Variants in PTPRT observed in about 807,000 individuals in gnomAD.
PTPRT encodes receptor-type tyrosine-protein phosphatase T.
A neutral mutation model predicts 176.8 loss-of-function variants in PTPRT; 56 were observed. That is an observed-to-expected ratio of 0.32 (90% CI 0.26 to 0.40). PTPRT has a LOEUF of 0.40. Ranked by LOEUF, PTPRT falls within the 10% of genes least tolerant of loss-of-function variation. PTPRT has a pLI of 1.00. For missense variants in PTPRT, 1,540 were observed against 1,908.2 expected, an observed-to-expected ratio of 0.81 and a Z score of 3.60; for synonymous variants, 783 against 739.0, an observed-to-expected ratio of 1.06 and a Z score of -0.96.
intron 14 of PTPRT, among the ~76,000 whole-genome samples, chr20:42,248,441 G>T (rs1484857580): frequency 6.6e-6 from 1 of 152,116 alleles, no homozygotes; most frequent in Admixed American, 6.5e-5. Flanking sequence ...CATCGCGGTG[G>T]CCCAGTCATA....
chr20:42,767,006 C>T (rs749900136), intron 5 of PTPRT, among the ~76,000 whole-genome samples: 11 of 152,142 alleles, frequency 7.2e-5, no homozygotes, highest in Non-Finnish European at 1.3e-4. Context: ...AGAACAACAG[C>T]GAGAGTGCCA....
intron 9 of PTPRT, among the ~76,000 whole-genome samples, chr20:42,378,990 G>T (rs1254947176): frequency 1.3e-5 from 2 of 152,190 alleles, no homozygotes; most frequent in African/African-American, 4.8e-5. Flanking sequence ...AAGTCTCCAA[G>T]GCAACCATTC....
chr20:42,768,708 T>C (rs1600717010), intron 5 of PTPRT, among the ~76,000 whole-genome samples: 1 of 152,236 alleles, frequency 6.6e-6, no homozygotes, highest in East Asian at 1.9e-4. Context: ...CCACTTTTAA[T>C]TTATGATATC....
intron 9 of PTPRT, among the ~76,000 whole-genome samples, chr20:42,399,642 C>T (rs1178148262): frequency 1.3e-5 from 2 of 152,178 alleles, no homozygotes; most frequent in African/African-American, 4.8e-5. Flanking sequence ...GAAATCTTTG[C>T]ACTAAACACA....
Position 42,184,799 on chromosome 20 carries a change from T to C in PTPRT, c.2491+14441A>G, listed in dbSNP as rs1318760866. On this transcript the variant is annotated intron_variant, in intron 16 of 30. Transcript: ENST00000373187. ...TGCACCACCACACCCGGCTAATTTT[T>C]TTTTTTTTGTATTTTTACCAGAGAT... 3.6e-3 allele frequency among the ~76,000 whole-genome samples: 537 copies of C among 148,842 alleles called. 5 individuals are homozygous for C. Among genetic ancestry groups the C allele is most frequent in the African/African-American group, 0.012 (493 of 40,304 alleles).
At chr20:42,785,302 G>A (rs73907268) in intron 3 of PTPRT, among the ~76,000 whole-genome samples, 148 of 152,298 alleles carry the variant, frequency 9.7e-4, no homozygotes, top group Middle Eastern at 3.4e-3. Context: ...GTTTATTACA[G>A]AGCTAAAAGT....
chr20:42,094,440 T>G (rs1984979996), intron 27 of PTPRT, among the ~76,000 whole-genome samples: 1 of 152,188 alleles, frequency 6.6e-6, no homozygotes, highest in Non-Finnish European at 1.5e-5. Context: ...CTTTCTTTTT[T>G]TGACAGGGTC....
rs184068584 is a variant in PTPRT at position 42,252,940 on chromosome 20, C to T, written c.2177-4118G>A. 1.9e-3 allele frequency among the ~76,000 whole-genome samples: 283 copies of T among 152,330 alleles called. 1 individual carries two copies. The highest frequency in any genetic ancestry group is 1.8e-3 in the Non-Finnish European group (122 of 68,016). The stretch of plus-strand genomic sequence containing the variant: ...TAGACATCAGATACAGGAACGTGAA[C>T]ATTCCCTGGGACAGGGAAAATCCAG... On this transcript the variant is annotated intron_variant, in intron 13 of 30. Transcript: ENST00000373187.
At chr20:43,034,418 G>A (rs1019824046) in intron 1 of PTPRT, among the ~76,000 whole-genome samples, 4 of 151,972 alleles carry the variant, frequency 2.6e-5, no homozygotes, top group Admixed American at 1.3e-4. Flanking sequence ...TGGGGAACAC[G>A]GGAATGCCTG....
chr20:42,951,222 GGTAT>G (rs1157994200), intron 1 of PTPRT, among the ~76,000 whole-genome samples: 10 of 152,092 alleles, frequency 6.6e-5, no homozygotes, highest in African/African-American at 2.4e-4. Context: ...TGGATGGGTG[GGTAT>G]ATGGATGGAT....
At chr20:42,506,586 A>G (rs1279904467) in intron 7 of PTPRT, among the ~76,000 whole-genome samples, 2 of 152,136 alleles carry the variant, frequency 1.3e-5, no homozygotes, top group African/African-American at 4.8e-5. Flanking sequence ...GTTGTGAACA[A>G]TGTTGCACAA....
the PTPRT span, among the ~76,000 whole-genome samples, chr20:42,055,239 C>G: frequency 6.6e-6 from 1 of 152,214 alleles, no homozygotes; most frequent in Non-Finnish European, 1.5e-5. Context: ...AAAGGCATTT[C>G]TTAAATCTTT....
chr20:42,736,177 G>T (rs191971626), intron 6 of PTPRT, among the ~76,000 whole-genome samples: 43 of 152,296 alleles, frequency 2.8e-4, no homozygotes, highest in African/African-American at 1.0e-3. Context: ...AGTTTACAAT[G>T]GTGGGGAAAG....
intron 13 of PTPRT, among the ~76,000 whole-genome samples, chr20:42,258,555 T>A (rs543131227): frequency 6.6e-6 from 1 of 152,198 alleles, no homozygotes; most frequent in African/African-American, 2.4e-5. Flanking sequence ...ATTTAGGTGA[T>A]TTTTTTCTGC....
intron 1 of PTPRT, among the ~76,000 whole-genome samples, chr20:43,068,334 A>C (rs981490831): frequency 6.6e-6 from 1 of 150,474 alleles, no homozygotes; most frequent in Non-Finnish European, 1.5e-5. Context: ...GAAACCCCTT[A>C]TCTACTAAAA....
intron 7 of PTPRT, among the ~76,000 whole-genome samples, chr20:42,567,945 A>G (rs1412236749): frequency 6.6e-6 from 1 of 151,376 alleles, no homozygotes; most frequent in African/African-American, 2.4e-5. Flanking sequence ...GACCAAAGAC[A>G]TTATAGGTGT....
intron 18 of PTPRT, among the ~76,000 whole-genome samples, chr20:42,135,860 G>A (rs1476464879): frequency 2.0e-5 from 3 of 152,078 alleles, no homozygotes; most frequent in Non-Finnish European, 4.4e-5. Context: ...TTATAGAGTT[G>A]TAGGGTCCTC....
intron 12 of PTPRT, among the ~76,000 whole-genome samples, chr20:42,310,554 C>T (rs917803514): frequency 6.6e-6 from 1 of 152,136 alleles, no homozygotes; most frequent in African/African-American, 2.4e-5. Flanking sequence ...AATCAACTCC[C>T]TTTCACTCCA....
intron 1 of PTPRT, among the ~76,000 whole-genome samples, chr20:43,059,794 C>A (rs1280138588): frequency 1.3e-5 from 2 of 152,082 alleles, no homozygotes; most frequent in Non-Finnish European, 2.9e-5. Flanking sequence ...GCCTGGCCAA[C>A]ATGGTGAAAC....
Sources: allele counts gnomAD v4.1 joint callset (sites outside exome capture counted in the v4.1 genomes callset), GRCh38; gene constraint gnomAD v4.1.1; transcripts MANE v1.5; gene names NCBI Gene and HGNC (gene_info 2026-07-23, HGNC 2026-07-21).